CDC25B: variants seen among roughly 807,000 people sequenced by gnomAD.
The protein encoded by CDC25B is M-phase inducer phosphatase 2.
CDC25B carries 33 observed loss-of-function variants against 69.8 expected under a neutral mutation model. The observed-to-expected ratio is 0.47, with a 90% CI of 0.36 to 0.63. The LOEUF is 0.63. Ranked by LOEUF, CDC25B falls within the 30% of genes least tolerant of loss-of-function variation. The pLI is 0.00. For synonymous variants in CDC25B, 341 were observed against 314.6 expected (o/e 1.08, Z -0.89); for missense variants, 727 against 809.1 (o/e 0.90, Z 1.23).
chr20:3,803,908 C>T lies in CDC25B; in HGVS notation c.1490+371C>T, dbSNP rs2089381840. Among the ~76,000 whole-genome samples the T allele has an allele frequency of 6.6e-6, 1 of 152,202 alleles. No individual in the cohort carries two copies. Among genetic ancestry groups the T allele is most frequent in the African/African-American group, 2.4e-5 (1 of 41,434 alleles). On this transcript the variant is annotated intron_variant, in intron 14 of 15. Transcript: ENST00000245960. This position sits in a 1 kb window ranked among gnomAD's most constrained non-coding sequence, Gnocchi z 4.9. ...CATTAGAACCTCTTCCATTGGCATC[C>T]ACAGCACCTGGGCCTCCCTGGCTGA...
chr20:3,804,572 C>G lies in CDC25B; in HGVS notation c.1494C>G (p.Cys498Trp). 1.2e-6 allele frequency: 2 copies of G among 1,609,828 alleles called. No individual in the cohort carries two copies. Among genetic ancestry groups the G allele is most frequent in the Non-Finnish European group, 1.7e-6 (2 of 1,176,160 alleles). ...EFSSERGPRM[C>W]RFIRERDRAV... ...CACCCTGCCCATGACGCCCCAGGTG[C>G]CGTTTCATCAGGGAACGAGACCGTG... The change falls in exon 15 of 16, where the codon TGC (cysteine) becomes TGG (tryptophan). Residue 498 changes from cysteine to tryptophan, a missense_variant. Coordinates refer to ENST00000245960, the MANE Select transcript of CDC25B (RefSeq NM_021873.4).
chr20:3,801,466 T>G lies in CDC25B; in HGVS notation c.840+78T>G, dbSNP rs2089281819. On this transcript the variant is annotated intron_variant, in intron 8 of 15. Coordinates refer to ENST00000245960, the MANE Select transcript of CDC25B (RefSeq NM_021873.4). ...AAAAGAAGAGAGCTCTGAGCCCTTG[T>G]GGCAGGACCATGATGTCATTCCAGT... The G allele has an allele frequency of 2.0e-6, 3 of 1,481,450 alleles. No individual in the cohort carries two copies. In the South Asian group the frequency reaches 4.0e-5, roughly 20 times the overall value. The allele number at this position is 1,481,450 out of a possible 1,614,324, so 91.8% of individuals were successfully genotyped here.
Position 3,802,092 on chromosome 20 carries a change from G to A in CDC25B, c.1090G>A (p.Glu364Lys). 1 of 1,551,712 alleles carries A rather than the reference G, an allele frequency of 6.4e-7. No individual in the cohort carries two copies. The highest frequency in any genetic ancestry group is 1.2e-5 in the South Asian group (1 of 84,574). Reference protein sequence around the residue: ...VTPPEEQQEAEEPKARVLRSK... With the variant: ...VTPPEEQQEAKEPKARVLRSK... ...CCCTCCTGAGGAGCAGCAGGAGGCT[G>A]AGGAACCTGTGAGTGCCTTCCTCCT... Residue 364 changes from glutamate (E) to lysine (K), a missense_variant, in exon 10 of 16, where the codon GAG becomes AAG. By Grantham distance (56) the Glu-to-Lys change is moderately conservative. Around this residue, in one of 2 missense-constraint regions of CDC25B, gnomAD observed 359 missense variants for 463.4 expected, o/e 0.77. Coordinates refer to ENST00000245960, the MANE Select transcript of CDC25B (RefSeq NM_021873.4).
upstream of CDC25B, among the ~76,000 whole-genome samples, chr20:3,794,788 C>A (rs1025906637): frequency 2.0e-5 from 3 of 152,162 alleles, no homozygotes; most frequent in South Asian, 2.1e-4. Context: ...CCTTCAGATG[C>A]ATTGGCCCAC....
upstream of CDC25B, among the ~76,000 whole-genome samples, chr20:3,792,266 C>T (rs4815604): frequency 0.56 from 84,369 of 151,814 alleles, 23,469 homozygotes; most frequent in East Asian, 0.69. Flanking sequence ...GACGGATTTA[C>T]GCTTGTAAAG....
intron 2 of CDC25B, 140 bp from the exon 3 acceptor site, chr20:3,798,272 T>G: frequency 9.8e-6 from 5 of 510,598 alleles, no homozygotes; most frequent in South Asian, 4.3e-5. Flanking sequence ...ATGGTTGGGT[T>G]TTTGTTTCAT....
In CDC25B at chr20:3,802,034, G is replaced by C. The variant is rs372954698; in HGVS notation, c.1032G>C (p.Thr344=). The change falls in exon 10 of 16, where the codon ACG becomes ACC. Residue 344 remains threonine (T), a synonymous_variant. Coordinates refer to ENST00000245960, the MANE Select transcript of CDC25B (RefSeq NM_021873.4). ...TGGAGCGGCCCCAGGACAGGGACAC[G>C]CCCGTGCAGAATAAGCGGAGGCGGA... ...KRLERPQDRD[T]PVQNKRRRSV... 4.4e-6 allele frequency: 7 copies of C among 1,582,950 alleles called. 1 individual carries two copies. In the East Asian group the frequency reaches 1.2e-4, roughly 26 times the overall value.
In CDC25B at chr20:3,805,782, T is replaced by G; in HGVS notation, c.*821T>G. 5 of 406,070 alleles carry G rather than the reference T, an allele frequency of 1.2e-5. No individual in the cohort carries two copies. The highest frequency in any genetic ancestry group is 1.8e-5 in the Non-Finnish European group (4 of 228,188). 25.2% of individuals were successfully genotyped at this position (406,070 alleles called of 1,614,324 possible). On this transcript the variant is annotated 3_prime_UTR_variant, in exon 16 of 16. Coordinates refer to ENST00000245960, the MANE Select transcript of CDC25B (RefSeq NM_021873.4). ...CCTGACTGCTCAGAACTTGCTGCTG[T>G]CTTGTTGCGGATGGATGGAAGGTTG... is the stretch of plus-strand genomic sequence containing the variant.
At position 3,798,474 on chromosome 20, in the gene CDC25B, A is replaced by T; in HGVS notation, c.380+11A>T. On this transcript the variant is annotated intron_variant, in intron 3 of 15. Transcript: ENST00000245960. ...CATGGCGGAGCAGACGTGAGTAGAGAAGGGAATGTGTACTTCCAAGCATTC... is the reference window on the plus strand; with the variant it reads ...CATGGCGGAGCAGACGTGAGTAGAGTAGGGAATGTGTACTTCCAAGCATTC... 6.3e-7 allele frequency: 1 copy of T among 1,589,890 alleles called. No homozygotes were observed. Among genetic ancestry groups the T allele is most frequent in the Non-Finnish European group, 8.6e-7 (1 of 1,165,244 alleles).
intron 1 of CDC25B, among the ~76,000 whole-genome samples, 188 bp from the exon 2 acceptor site, chr20:3,797,434 G>A (rs2089098646): frequency 6.6e-6 from 1 of 152,228 alleles, no homozygotes; most frequent in African/African-American, 2.4e-5. Context: ...ACGAAGAGAA[G>A]ACGCTTTAGG....
rs1219380120 is a variant in CDC25B at position 3,801,989 on chromosome 20, C to A, written c.987C>A (p.Ile329=). 1 of 1,609,360 alleles carries A rather than the reference C, an allele frequency of 6.2e-7. No individual in the cohort carries two copies. Among genetic ancestry groups the A allele is most frequent in the Non-Finnish European group, 8.5e-7 (1 of 1,178,056 alleles). ...CTCCGTCCATGCCCTGCAGCGTGAT[C>A]CGGCCCATCCTCAAGAGGCTGGAGC... ...FRSPSMPCSV[I]RPILKRLERP... The change falls in exon 10 of 16, where the codon ATC becomes ATA. Residue 329 remains isoleucine (I), a synonymous_variant. Coordinates refer to ENST00000245960, the MANE Select transcript of CDC25B (RefSeq NM_021873.4).
upstream of CDC25B, among the ~76,000 whole-genome samples, chr20:3,792,428 A>G (rs989961015): frequency 9.2e-5 from 14 of 152,098 alleles, no homozygotes; most frequent in Middle Eastern, 3.4e-3. Context: ...GGCTCAAGCT[A>G]TCCTCCTACC....
Position 3,798,431 on chromosome 20 carries a change from C to T in CDC25B, c.348C>T (p.Pro116=), listed in dbSNP as rs371577332. ...CCTCAGGTCTCTGCATGGATTCCCC[C>T]AGCCCTATGGACCCCCACATGGCGG... ...SSDAGLCMDS[P]SPMDPHMAEQ... The change falls in exon 3 of 16, where the codon CCC becomes CCT. Residue 116 remains proline (P), a synonymous_variant. Transcript: ENST00000245960. 80 of 1,598,562 alleles carry T rather than the reference C, an allele frequency of 5.0e-5. No homozygotes were observed. Among genetic ancestry groups the T allele is most frequent in the Non-Finnish European group, 6.0e-5 (70 of 1,172,272 alleles).
At chr20:3,796,970 ATCT>A (rs2089079495) in intron 1 of CDC25B, among the ~76,000 whole-genome samples, 2 of 151,802 alleles carry the variant, frequency 1.3e-5, no homozygotes, top group South Asian at 2.1e-4. Flanking sequence ...GCCTCTCCAA[ATCT>A]TCTTTCCCCT....
chr20:3,790,231 GTACTC>G (rs2088891798), intron 1 of CDC25B, among the ~76,000 whole-genome samples: 1 of 150,946 alleles, frequency 6.6e-6, no homozygotes, highest in Non-Finnish European at 1.5e-5. Context: ...TTACGGCACT[GTACTC>G]TAACCTGGGT....
At chr20:3,798,311 A>C (rs2146675496) in intron 2 of CDC25B, 101 bp from the exon 3 acceptor site, 2 of 712,628 alleles carry the variant, frequency 2.8e-6, no homozygotes, top group East Asian at 3.0e-5. Context: ...CCAAACTAGA[A>C]ACTGTTTTTT....
Position 3,803,818 on chromosome 20 carries a change from A to T in CDC25B, c.1490+281A>T, listed in dbSNP as rs982361146. ...GTCTCTAGCGGTGTCTTTTCTCGAA[A>T]TCTAAGGGCCGCGTGTCAGTCCCCA... On this transcript the variant is annotated intron_variant, in intron 14 of 15. Coordinates refer to ENST00000245960, the MANE Select transcript of CDC25B (RefSeq NM_021873.4). The surrounding 1 kb of genome is among the most constrained non-coding windows in gnomAD (Gnocchi z 4.9). Among the ~76,000 whole-genome samples, 3 of 152,110 alleles carry T rather than the reference A, an allele frequency of 2.0e-5. No homozygotes were observed. In the South Asian group the frequency reaches 6.2e-4, roughly 31 times the overall value.
In CDC25B at chr20:3,804,808, T is replaced by C. The variant is rs2089418707; in HGVS notation, c.1603-13T>C. 1.2e-6 allele frequency: 2 copies of C among 1,614,064 alleles called. No individual in the cohort carries two copies. The highest frequency in any genetic ancestry group is 1.7e-6 in the Non-Finnish European group (2 of 1,179,952). On this transcript the variant is annotated splice_polypyrimidine_tract_variant and intron_variant, in intron 15 of 15. Coordinates refer to ENST00000245960, the MANE Select transcript of CDC25B (RefSeq NM_021873.4). ...CCCATTCCACTGCATTGACCCCTCC[T>C]GTCCTGCCCTAGAACTTCTGTGAAC...
intron 2 of CDC25B, 76 bp from the exon 3 acceptor site, chr20:3,798,336 T>G: frequency 1.6e-6 from 1 of 642,684 alleles, no homozygotes; most frequent in Non-Finnish European, 2.4e-6. Flanking sequence ...TTTTTTTTTT[T>G]TCATATTGGG....
Sources: gnomAD v4.1 joint callset for allele counts (sites outside exome capture counted in the v4.1 genomes callset) on GRCh38, gnomAD v4.1.1 for gene constraint, gnomAD v4.1.1 regional missense constraint, Gnocchi (gnomAD v3.1) non-coding constraint, MANE v1.5 for transcripts, NCBI Gene and HGNC (gene_info 2026-07-23, HGNC 2026-07-21) for gene names.